IL17RD: variants seen among roughly 807,000 people sequenced by gnomAD.
IL17RD encodes the protein interleukin-17 receptor D.
A neutral mutation model predicts 80.5 loss-of-function variants in IL17RD; 52 were observed. That is an observed-to-expected ratio of 0.65 (90% CI 0.52 to 0.81). The LOEUF (loss-of-function observed/expected upper bound fraction) is 0.81, where lower values mean the gene tolerates loss of function less well. Ranked by LOEUF, IL17RD falls within the 40% of genes least tolerant of loss-of-function variation. IL17RD has a pLI of 0.00. For synonymous variants in IL17RD, 416 were observed against 391.8 expected (o/e 1.06, Z -0.73); for missense variants, 1,024 against 955.1 (o/e 1.07, Z -0.95).
chr3:57,140,862 T>C (rs139362876), intron 1 of IL17RD, among the ~76,000 whole-genome samples: 1 of 151,966 alleles, frequency 6.6e-6, no homozygotes, highest in Admixed American at 6.6e-5. Context: ...ACATTTATTA[T>C]GCAGTAGCAG....
At chr3:57,153,671 T>G (rs1253288528) in intron 1 of IL17RD, among the ~76,000 whole-genome samples, 1 of 152,252 alleles carries the variant, frequency 6.6e-6, no homozygotes, top group African/African-American at 2.4e-5. Context: ...TTCATTTTAC[T>G]GTTATTTCAA....
At chr3:57,127,110 CCACTG>C (rs1453309583) in intron 1 of IL17RD, among the ~76,000 whole-genome samples, 1 of 148,212 alleles carries the variant, frequency 6.7e-6, no homozygotes, top group African/African-American at 2.5e-5. Context: ...CAGGCATGAG[CCACTG>C]CACCCGGCCG....
At chr3:57,116,755 G>A (rs898213017) in intron 2 of IL17RD, among the ~76,000 whole-genome samples, 13 of 152,214 alleles carry the variant, frequency 8.5e-5, no homozygotes, top group Non-Finnish European at 1.9e-4. Flanking sequence ...CTATACAAAT[G>A]AGGAAACTGC....
chr3:57,119,653 G>GTTTCACACAGATTCACCTTGTGTGAA (rs67346239), intron 2 of IL17RD, among the ~76,000 whole-genome samples: 10 of 151,904 alleles, frequency 6.6e-5, no homozygotes, highest in African/African-American at 1.9e-4. Flanking sequence ...CTGGAACCCA[G>GTTTCACACAGATTCACCTTGTGTGAA]TTTCACACAG....
chr3:57,156,918 C>G (rs2107543096), intron 1 of IL17RD, among the ~76,000 whole-genome samples: 1 of 152,292 alleles, frequency 6.6e-6, no homozygotes, highest in South Asian at 2.1e-4. Flanking sequence ...TCATCTAAGC[C>G]TCCCACGAAC....
chr3:57,127,358 AAAT>A (rs1393660258), intron 1 of IL17RD, among the ~76,000 whole-genome samples: 16 of 100,174 alleles, frequency 1.6e-4, no homozygotes, highest in African/African-American at 8.6e-4. Flanking sequence ...AAATATATAT[AAAT>A]ATAAATATAT....
chr3:57,147,631 A>C (rs1037151119), intron 1 of IL17RD, among the ~76,000 whole-genome samples: 13 of 152,194 alleles, frequency 8.5e-5, no homozygotes, highest in Non-Finnish European at 1.6e-4. Context: ...AATAACTCGG[A>C]AACAGCCCAA....
intron 2 of IL17RD, among the ~76,000 whole-genome samples, chr3:57,116,598 C>T (rs1164045200): frequency 6.6e-6 from 1 of 152,012 alleles, no homozygotes; most frequent in Non-Finnish European, 1.5e-5. Flanking sequence ...ATTTACATTT[C>T]AATATTACTT....
At chr3:57,152,344 G>A (rs2060232943) in intron 1 of IL17RD, among the ~76,000 whole-genome samples, 1 of 152,226 alleles carries the variant, frequency 6.6e-6, no homozygotes, top group Admixed American at 6.5e-5. Context: ...AGAGGGGACT[G>A]TGGACTTGGT....
Position 57,110,250 on chromosome 3 carries a change from C to T in IL17RD, c.372G>A (p.Gln124=). ...ILEELKSEGR[Q]CQQLILKDPK... The stretch of plus-strand genomic sequence containing the variant: ...GATCCTTTAGAATCAGTTGTTGGCA[C>T]TGTCTTCCCTCCGACTTCAGCTCCT... The change falls in exon 4 of 13, where the codon CAG becomes CAA. Residue 124 remains glutamine, a synonymous_variant. Coordinates refer to ENST00000296318, the MANE Select transcript of IL17RD (RefSeq NM_017563.5). 1.2e-6 allele frequency: 2 copies of T among 1,609,700 alleles called. No individual in the cohort carries two copies. The highest frequency in any genetic ancestry group is 1.7e-6 in the Non-Finnish European group (2 of 1,177,894).
At chr3:57,133,045 A>T (rs908509950) in intron 1 of IL17RD, among the ~76,000 whole-genome samples, 1 of 152,034 alleles carries the variant, frequency 6.6e-6, no homozygotes, top group African/African-American at 2.4e-5. Context: ...TATGTCTCTG[A>T]CTCCTACTCC....
intron 1 of IL17RD, among the ~76,000 whole-genome samples, chr3:57,123,220 C>T (rs1267999803): frequency 1.2e-4 from 18 of 152,216 alleles, no homozygotes; most frequent in Admixed American, 9.2e-4. Context: ...GCCTAAGACT[C>T]ACAAGGCTGG....
chr3:57,117,080 T>C (rs1027916660), intron 2 of IL17RD, among the ~76,000 whole-genome samples: 10 of 151,898 alleles, frequency 6.6e-5, no homozygotes, highest in African/African-American at 2.4e-4. Context: ...TTTGGGTTTC[T>C]GTAAATATAG....
At chr3:57,112,147 G>A (rs1707114935) in intron 3 of IL17RD, among the ~76,000 whole-genome samples, 1 of 152,120 alleles carries the variant, frequency 6.6e-6, no homozygotes, top group South Asian at 2.1e-4. Context: ...ACACCTTGTA[G>A]TTATGTAATG....
intron 1 of IL17RD, chr3:57,150,268 A>G (rs1708027553): frequency 6.6e-6 from 1 of 152,182 alleles, no homozygotes; most frequent in Non-Finnish European, 1.5e-5. Context: ...AATTATCTCC[A>G]AAGTGCTGTC....
chr3:57,139,008 GAA>G (rs1707781861), intron 1 of IL17RD, among the ~76,000 whole-genome samples: 2 of 148,876 alleles, frequency 1.3e-5, no homozygotes, highest in African/African-American at 5.0e-5. Context: ...GTAGGCTGCA[GAA>G]AAACAGTGAA....
upstream of IL17RD, chr3:57,165,400 G>A (rs1036703256): frequency 6.1e-5 from 56 of 911,274 alleles, no homozygotes; most frequent in African/African-American, 6.9e-4. Context: ...GGACCGCACT[G>A]GGCATGCGTT....
At chr3:57,165,065 G>A in intron 1 of IL17RD, 96 bp downstream of exon 1, 1 of 1,376,434 alleles carries the variant, frequency 7.3e-7, no homozygotes, top group Non-Finnish European at 9.3e-7. Context: ...GCGAAGAGCA[G>A]ACAGGTTGGC....
chr3:57,169,306 G>T (rs768323283), upstream of IL17RD: 4 of 508,110 alleles, frequency 7.9e-6, no homozygotes, highest in Admixed American at 8.0e-5. Flanking sequence ...GCTGTCATCT[G>T]ATTCACCTCT....
Sources: allele counts gnomAD v4.1 joint callset (sites outside exome capture counted in the v4.1 genomes callset), GRCh38; gene constraint gnomAD v4.1.1; transcripts MANE v1.5; gene names NCBI Gene and HGNC (gene_info 2026-07-23, HGNC 2026-07-21).